The following CHDH variants were observed in gnomAD, a reference collection of about 807,000 sequenced individuals.
The protein encoded by CHDH is choline dehydrogenase, also known as choline dehydrogenase, mitochondrial.
Under a neutral mutation model 56.9 loss-of-function variants are expected in CHDH, and 43 were observed. The ratio of observed to expected loss-of-function variants is 0.76; its 90% CI spans 0.59 to 0.97. CHDH has a LOEUF of 0.97. Ranked by LOEUF, CHDH falls within the 50% of genes least tolerant of loss-of-function variation. The pLI is 0.00. For synonymous variants in CHDH, 364 were observed against 348.5 expected, an observed-to-expected ratio of 1.04 and a Z score of -0.50; for missense variants, 816 against 821.1, an observed-to-expected ratio of 0.99 and a Z score of 0.08.
At position 53,823,853 on chromosome 3, in the gene CHDH, G is replaced by C; in HGVS notation, c.156C>G (p.Gly52=). The C allele has an allele frequency of 6.3e-7, 1 of 1,584,196 alleles. No homozygotes were observed. Among genetic ancestry groups the C allele is most frequent in the Non-Finnish European group, 8.5e-7 (1 of 1,173,766 alleles). Residue 52 remains glycine, a synonymous_variant, in exon 3 of 9, where the codon GGC becomes GGG. Transcript: ENST00000315251. ...CCGTGAGCCTCCCAGCCAGCACGCA[G>C]CCCGCCGAGCCCGCGCCCACCACCA... ...SYVVVGAGSA[G]CVLAGRLTED...
intron 1 of CHDH, among the ~76,000 whole-genome samples, chr3:53,842,251 T>C (rs1406622108): frequency 6.6e-6 from 1 of 152,224 alleles, no homozygotes; most frequent in African/African-American, 2.4e-5. Flanking sequence ...TCACTCATCT[T>C]GTTTCTTCCT....
rs1386580069 is a variant in CHDH at position 53,817,923 on chromosome 3, T to G, written c.1639A>C (p.Ile547Leu). 2 of 1,614,214 alleles carry G rather than the reference T, an allele frequency of 1.2e-6. No individual in the cohort carries two copies. The highest frequency in any genetic ancestry group is 8.5e-7 in the Non-Finnish European group (1 of 1,180,042). The change falls in exon 9 of 9, where the codon ATC becomes CTC. Residue 547 changes from isoleucine (I) to leucine (L), a missense_variant. Ile to Leu is a conservative substitution (Grantham distance 5). Coordinates refer to ENST00000315251, the MANE Select transcript of CHDH (RefSeq NM_018397.5). Reference sequence around the variant, plus strand: ...TTGCCGCTGACCATGCTAGGCATGATGGAGGCATCGACGACCCTGAGGTTT... The same window carrying G: ...TTGCCGCTGACCATGCTAGGCATGAGGGAGGCATCGACGACCCTGAGGTTT... ...VENLRVVDAS[I>L]MPSMVSGNLN... is the part of the protein sequence containing the mutation.
rs1251852570 is a variant in CHDH at position 53,815,438 on chromosome 3, G to A, written c.*2339C>T. ...ATGAAAGACTCCCTTCATGGCAGGG[G>A]AACGCTCAGGTTCTGGACATGTGAC... On this transcript the variant is annotated 3_prime_UTR_variant, in exon 9 of 9. Coordinates refer to ENST00000315251, the MANE Select transcript of CHDH (RefSeq NM_018397.5). 3 of 152,204 alleles carry A rather than the reference G, an allele frequency of 2.0e-5. No individual in the cohort carries two copies. The East Asian group carries it at 5.8e-4, about 29-fold the overall frequency. The allele number at this position is 152,204 out of a possible 1,614,324, so 9.4% of individuals were successfully genotyped here.
At position 53,842,159 on chromosome 3, in the gene CHDH, G is replaced by A. The variant is rs188921916; in HGVS notation, c.-130-1160C>T. Among the ~76,000 whole-genome samples the A allele has an allele frequency of 2.5e-4, 38 of 151,448 alleles. No individual in the cohort carries two copies. The East Asian group carries it at 6.8e-3, about 27-fold the overall frequency. ...AAAGAAAAAAGAAAAAAAGAAAAGC[G>A]CAAAGCTAAAACCAAACCACATAGT... On this transcript the variant is annotated intron_variant, in intron 1 of 8. Transcript: ENST00000315251.
intron 2 of CHDH, among the ~76,000 whole-genome samples, chr3:53,832,802 G>T (rs1330262730): frequency 6.6e-6 from 1 of 152,192 alleles, no homozygotes; most frequent in Non-Finnish European, 1.5e-5. Context: ...AGGAGTTATT[G>T]TTTGGGGGAA....
chr3:53,817,918 C>T lies in CHDH; in HGVS notation c.1644G>A (p.Met548Ile), dbSNP rs752245757. 1 of 1,614,240 alleles carries T rather than the reference C, an allele frequency of 6.2e-7. No individual in the cohort carries two copies. Among genetic ancestry groups the T allele is most frequent in the Admixed American group, 1.7e-5 (1 of 60,032 alleles). The change falls in exon 9 of 9, where the codon ATG becomes ATA. Residue 548 changes from methionine (M) to isoleucine (I), a missense_variant. Physicochemically the swap from Met to Ile is conservative, Grantham distance 10. Transcript: ENST00000315251. ...ENLRVVDASIMPSMVSGNLNA... is the reference protein window; with the variant it reads ...ENLRVVDASIIPSMVSGNLNA... Reference sequence around the variant, plus strand: ...TCAGGTTGCCGCTGACCATGCTAGGCATGATGGAGGCATCGACGACCCTGA... The same window carrying T: ...TCAGGTTGCCGCTGACCATGCTAGGTATGATGGAGGCATCGACGACCCTGA...
rs1286476351 is a variant in CHDH, at chr3:53,823,700, G to T, written c.309C>A (p.Tyr103Ter). Reference sequence around the variant, plus strand: ...GCACCTCTGTGTGGTAGCACCAGTTGTACCTGTCGTCGCACAGGTTGGCCA... The same window carrying T: ...GCACCTCTGTGTGGTAGCACCAGTTTTACCTGTCGTCGCACAGGTTGGCCA... ...ALVANLCDDR[Y>*]NWCYHTEVQR... The change falls in exon 3 of 9, where the codon TAC (tyrosine) becomes TAA (stop). Residue 103 changes from tyrosine to a stop codon, truncating the protein, a stop_gained. Transcript: ENST00000315251. LOFTEE classifies it high-confidence loss of function. The T allele has an allele frequency of 2.6e-6, 4 of 1,549,864 alleles. No individual in the cohort carries two copies. Among genetic ancestry groups the T allele is most frequent in the Non-Finnish European group, 3.5e-6 (4 of 1,147,758 alleles).
chr3:53,823,957 C>A lies in CHDH; in HGVS notation c.52G>T (p.Ala18Ser). The change falls in exon 3 of 9, where the codon GCC becomes TCC. Residue 18 changes from alanine (A) to serine (S), a missense_variant. Ala to Ser is a moderately conservative substitution (Grantham distance 99, BLOSUM62 1). Coordinates refer to ENST00000315251, the MANE Select transcript of CHDH (RefSeq NM_018397.5). ...CCCAGGGATTGCTGCTGCCCCAGGG[C>A]TCCCCGTGCCAGGGCTCCAGGCCGG... ...LGRPGALARGALGQQQSLGAR... is the reference protein window; with the variant it reads ...LGRPGALARGSLGQQQSLGAR... The A allele has an allele frequency of 6.6e-7, 1 of 1,517,286 alleles. No homozygotes were observed. The highest frequency in any genetic ancestry group is 1.4e-5 in the African/African-American group (1 of 72,032). The allele number at this position is 1,517,286 out of a possible 1,614,324, so 94.0% of individuals were successfully genotyped here. A position where few individuals can be genotyped will look rare whatever the true frequency, so the allele number is the denominator to read the frequency against.
rs1429004520 is a variant in CHDH, at chr3:53,846,315, T to G, written c.-363A>C. 5 of 400,032 alleles carry G rather than the reference T, an allele frequency of 1.2e-5. No homozygotes were observed. Among genetic ancestry groups the G allele is most frequent in the African/African-American group, 6.3e-5 (3 of 47,384 alleles). 24.8% of individuals were successfully genotyped at this position (400,032 alleles called of 1,614,324 possible). ...CGAGGGCGGGTGCAGCTGATGCACC[T>G]GGCTCACTGCATGCACGTGTGCGCG... On this transcript the variant is annotated 5_prime_UTR_variant, in exon 1 of 9. Coordinates refer to ENST00000315251, the MANE Select transcript of CHDH (RefSeq NM_018397.5).
intron 5 of CHDH, among the ~76,000 whole-genome samples, chr3:53,821,290 G>A (rs1317102000): frequency 6.6e-6 from 1 of 152,132 alleles, no homozygotes; most frequent in African/African-American, 2.4e-5. Context: ...GGCAGCCAGC[G>A]AGTCCTGTGG....
intron 2 of CHDH, among the ~76,000 whole-genome samples, chr3:53,830,910 AC>A (rs1698313875): frequency 6.6e-6 from 1 of 152,098 alleles, no homozygotes; most frequent in Non-Finnish European, 1.5e-5. Flanking sequence ...TTTCATAGCA[AC>A]CAAAAATCAG....
At chr3:53,843,856 TGAGAA>T (rs1158614965) in intron 1 of CHDH, among the ~76,000 whole-genome samples, 2 of 152,200 alleles carry the variant, frequency 1.3e-5, no homozygotes, top group African/African-American at 4.8e-5. Context: ...GAAACTGCTC[TGAGAA>T]GAGCAGTGAC....
At chr3:53,823,100 G>A (rs2095630992) in intron 3 of CHDH, among the ~76,000 whole-genome samples, 1 of 152,112 alleles carries the variant, frequency 6.6e-6, no homozygotes, top group African/African-American at 2.4e-5. Context: ...AGAACGCCCA[G>A]GGTCACCATC....
At chr3:53,822,790 G>C in intron 3 of CHDH, 148 bp from the exon 4 acceptor site, 1 of 1,057,094 alleles carries the variant, frequency 9.5e-7, no homozygotes, top group Non-Finnish European at 1.3e-6. Context: ...GAAAGACCCT[G>C]CAAGACCCTG....
rs995405044 is a variant in CHDH, at chr3:53,820,438, G to A, written c.1120+36C>T. ...AGGAAGGAGGTCTCAATGCTTATAG[G>A]CAGTCTCCTCCCAGGTTACTGGTAA... is the stretch of plus-strand genomic sequence containing the variant. On this transcript the variant is annotated intron_variant, in intron 6 of 8. Transcript: ENST00000315251. The A allele has an allele frequency of 3.8e-6, 6 of 1,587,186 alleles. 1 individual carries two copies. Among genetic ancestry groups the A allele is most frequent in the Non-Finnish European group, 8.6e-7 (1 of 1,167,140 alleles).
chr3:53,829,434 G>A (rs866751611), intron 2 of CHDH, among the ~76,000 whole-genome samples: 2 of 152,184 alleles, frequency 1.3e-5, no homozygotes, highest in Non-Finnish European at 2.9e-5. Flanking sequence ...TGTAATAAAT[G>A]TACCACTTTA....
In CHDH at chr3:53,816,137, C is replaced by CA. The variant is rs1471623300; in HGVS notation, c.*1639_*1640insT. 3 of 115,304 alleles carry CA rather than the reference C, an allele frequency of 2.6e-5. No homozygotes were observed. The highest frequency in any genetic ancestry group is 1.1e-4 in the African/African-American group (3 of 27,296). 7.1% of individuals were successfully genotyped at this position (115,304 alleles called of 1,614,324 possible). On this transcript the variant is annotated 3_prime_UTR_variant, in exon 9 of 9. Coordinates refer to ENST00000315251, the MANE Select transcript of CHDH (RefSeq NM_018397.5). ...ACTAACTTGTGGCTGTCGGACGCCC[C>CA]CCCCCCCCGCCCCAGTCTGTAAGCC... is the stretch of plus-strand genomic sequence containing the variant.
chr3:53,823,811 G>T lies in CHDH; in HGVS notation c.198C>A (p.Arg66=). 6.3e-7 allele frequency: 1 copy of T among 1,583,782 alleles called. No homozygotes were observed. The highest frequency in any genetic ancestry group is 8.5e-7 in the Non-Finnish European group (1 of 1,170,374). Residue 66 remains arginine (R), a synonymous_variant, in exon 3 of 9, where the codon CGC becomes CGA. Coordinates refer to ENST00000315251, the MANE Select transcript of CHDH (RefSeq NM_018397.5). ...TGGGCCCGGCCTCCAGCAGCAGCAC[G>T]CGCTCGGCGGGGTCCTCCGTGAGCC... ...AGRLTEDPAE[R]VLLLEAGPKD... is the part of the protein sequence containing the mutation.
At position 53,819,407 on chromosome 3, in the gene CHDH, CCT is replaced by C. The variant is rs2095621806; in HGVS notation, c.1263+123_1263+124del. 2 of 1,274,788 alleles carry C rather than the reference CCT, an allele frequency of 1.6e-6. No individual in the cohort carries two copies. Among genetic ancestry groups the C allele is most frequent in the Non-Finnish European group, 2.2e-6 (2 of 917,280 alleles). The allele number at this position is 1,274,788 out of a possible 1,614,324, so 79.0% of individuals were successfully genotyped here. On this transcript the variant is annotated intron_variant, in intron 7 of 8. Coordinates refer to ENST00000315251, the MANE Select transcript of CHDH (RefSeq NM_018397.5). This position sits in a 1 kb window ranked among gnomAD's most constrained non-coding sequence, Gnocchi z 5.4. Reference sequence around the variant, plus strand: ...GGGCAGCTGGAAGGCAGGGGACAGGCCTCTGTGTCCCCCACTCTGCAGCCATA... The same window carrying C: ...GGGCAGCTGGAAGGCAGGGGACAGGCCTGTGTCCCCCACTCTGCAGCCATA...
Sources: allele counts gnomAD v4.1 joint callset (sites outside exome capture counted in the v4.1 genomes callset), GRCh38; gene constraint gnomAD v4.1.1; non-coding constraint Gnocchi (gnomAD v3.1); transcripts MANE v1.5; gene names NCBI Gene and HGNC (gene_info 2026-07-23, HGNC 2026-07-21).